Variants in MGMT observed in about 807,000 individuals in gnomAD.
MGMT encodes O-6-methylguanine-DNA methyltransferase, also known as methylated-DNA--protein-cysteine methyltransferase.
MGMT carries 14 observed loss-of-function variants against 15.9 expected under a neutral mutation model. The ratio of observed to expected loss-of-function variants is 0.88; its 90% CI spans 0.58 to 1.37. MGMT has a LOEUF of 1.37. Among genes scored for constraint, MGMT ranks in the 40% most tolerant of loss-of-function variants. The probability of loss-of-function intolerance (pLI) is 0.00; values close to 1 mark genes in which losing one functional copy is unlikely to be tolerated. For synonymous variants in MGMT, 130 were observed against 118.2 expected (o/e 1.10, Z -0.65); for missense variants, 282 against 268.1 (o/e 1.05, Z -0.36).
At chr10:129,522,296 G>A (rs1274442967) in intron 1 of MGMT, among the ~76,000 whole-genome samples, 1 of 152,204 alleles carries the variant, frequency 6.6e-6, no homozygotes, top group African/African-American at 2.4e-5. Flanking sequence ...GGAGAGGAGG[G>A]GCTTACTGCC....
At chr10:129,501,564 A>C (rs1324111611) in intron 1 of MGMT, among the ~76,000 whole-genome samples, 1 of 152,072 alleles carries the variant, frequency 6.6e-6, no homozygotes, top group African/African-American at 2.4e-5. Context: ...GGATTTATGC[A>C]TTTATTTGAT....
chr10:129,469,017 C>G (rs1433559691), intron 1 of MGMT, among the ~76,000 whole-genome samples: 1 of 152,168 alleles, frequency 6.6e-6, no homozygotes, highest in African/African-American at 2.4e-5. Flanking sequence ...GCACCTTGTT[C>G]AGCTGCTCAG....
At chr10:129,757,531 C>T (rs1320375833) in intron 3 of MGMT, among the ~76,000 whole-genome samples, 1 of 152,248 alleles carries the variant, frequency 6.6e-6, no homozygotes, top group Non-Finnish European at 1.5e-5. Flanking sequence ...GCCTCTGCTT[C>T]TTGCGGTATT....
intron 2 of MGMT, among the ~76,000 whole-genome samples, chr10:129,558,078 T>A (rs960000658): frequency 2.6e-5 from 4 of 152,190 alleles, no homozygotes; most frequent in African/African-American, 9.6e-5. Flanking sequence ...TCATCCCACG[T>A]GTGCGTGAAG....
intron 2 of MGMT, among the ~76,000 whole-genome samples, chr10:129,579,938 C>G (rs752312647): frequency 3.3e-5 from 5 of 152,218 alleles, no homozygotes; most frequent in African/African-American, 4.8e-5. Flanking sequence ...CCGCAGCCAC[C>G]CAGGCCTGCC....
chr10:129,747,516 C>T (rs995278668), intron 3 of MGMT, among the ~76,000 whole-genome samples: 6 of 152,098 alleles, frequency 3.9e-5, no homozygotes, highest in East Asian at 1.9e-4. Flanking sequence ...AGAATAGTTT[C>T]GGATTTACAG....
At chr10:129,558,531 GGT>G (rs1846241089) in intron 2 of MGMT, among the ~76,000 whole-genome samples, 2 of 152,164 alleles carry the variant, frequency 1.3e-5, no homozygotes, top group African/African-American at 4.8e-5. Context: ...CAGTTTGCCT[GGT>G]GGGGAGGTGT....
At chr10:129,766,108 G>A (rs535695316) in intron 4 of MGMT, among the ~76,000 whole-genome samples, 5 of 152,312 alleles carry the variant, frequency 3.3e-5, no homozygotes, top group Admixed American at 1.3e-4. Flanking sequence ...GTATGGCTGC[G>A]TGGTTGTGGT....
At chr10:129,731,844 C>G (rs1206414967) in intron 3 of MGMT, among the ~76,000 whole-genome samples, 1 of 152,164 alleles carries the variant, frequency 6.6e-6, no homozygotes, top group Non-Finnish European at 1.5e-5. Context: ...GAATGGAATG[C>G]CTTGATGCCT....
At chr10:129,520,507 G>GGTGCAGGTGCAGAGCCCCTACGGT (rs1554905949) in intron 1 of MGMT, among the ~76,000 whole-genome samples, 12 of 112,422 alleles carry the variant, frequency 1.1e-4, no homozygotes, top group African/African-American at 2.6e-4. Context: ...GAGCCCCTAC[G>GGTGCAGGTGCAGAGCCCCTACGGT]GTGCAGGTGC....
At chr10:129,577,562 A>AGACC (rs1846499735) in intron 2 of MGMT, among the ~76,000 whole-genome samples, 1 of 152,234 alleles carries the variant, frequency 6.6e-6, no homozygotes, top group Non-Finnish European at 1.5e-5. Flanking sequence ...CTTAAATGTT[A>AGACC]GACCTAAAAC....
intron 1 of MGMT, among the ~76,000 whole-genome samples, chr10:129,467,977 GCTTT>G (rs1231577722): frequency 1.3e-5 from 2 of 152,176 alleles, no homozygotes; most frequent in African/African-American, 4.8e-5. Flanking sequence ...TGAGTAGCTG[GCTTT>G]CTGTCCTGGA....
chr10:129,588,635 C>T (rs916844359), intron 2 of MGMT, among the ~76,000 whole-genome samples: 16 of 152,190 alleles, frequency 1.1e-4, no homozygotes, highest in Non-Finnish European at 1.9e-4. Flanking sequence ...CATGGGCCCC[C>T]GAACCCTGGG....
At chr10:129,716,336 T>G (rs1471616637) in intron 3 of MGMT, among the ~76,000 whole-genome samples, 1 of 152,158 alleles carries the variant, frequency 6.6e-6, no homozygotes, top group Non-Finnish European at 1.5e-5. Context: ...CTTTTTTTTC[T>G]TGAGTACTGT....
chr10:129,506,056 A>G (rs1845621956), intron 1 of MGMT, among the ~76,000 whole-genome samples: 1 of 148,268 alleles, frequency 6.7e-6, no homozygotes, highest in Non-Finnish European at 1.5e-5. Context: ...GTGGTTTTCA[A>G]CTGGGGGCAG....
chr10:129,559,705 A>G (rs1473779032), intron 2 of MGMT, among the ~76,000 whole-genome samples: 2 of 152,246 alleles, frequency 1.3e-5, no homozygotes, highest in Admixed American at 1.3e-4. Flanking sequence ...GGAATGTTTC[A>G]GAAAACTGAA....
intron 1 of MGMT, among the ~76,000 whole-genome samples, chr10:129,517,017 A>T (rs1324704936): frequency 6.6e-6 from 1 of 152,218 alleles, no homozygotes; most frequent in African/African-American, 2.4e-5. Context: ...CTCCAATGGA[A>T]ACAAACTGGT....
At chr10:129,724,532 C>CTG (rs1299598709) in intron 3 of MGMT, among the ~76,000 whole-genome samples, 1 of 152,120 alleles carries the variant, frequency 6.6e-6, no homozygotes, top group Non-Finnish European at 1.5e-5. Context: ...GTACATTTCA[C>CTG]TGTGTGTGTA....
At chr10:129,591,659 C>A (rs372896461) in intron 2 of MGMT, among the ~76,000 whole-genome samples, 1 of 152,206 alleles carries the variant, frequency 6.6e-6, no homozygotes, top group Non-Finnish European at 1.5e-5. Flanking sequence ...TGGCCGGACG[C>A]GGTGGCTCAC....
Sources: gnomAD v4.1 joint callset for allele counts (sites outside exome capture counted in the v4.1 genomes callset) on GRCh38, gnomAD v4.1.1 for gene constraint, MANE v1.5 for transcripts, NCBI Gene and HGNC (gene_info 2026-07-23, HGNC 2026-07-21) for gene names.